The following DOCK1 variants were observed in gnomAD, a reference collection of about 807,000 sequenced individuals.
DOCK1 encodes the protein dedicator of cytokinesis 1.
DOCK1 carries 138 observed loss-of-function variants against 262.7 expected under a neutral mutation model. The ratio of observed to expected loss-of-function variants is 0.53; its 90% CI spans 0.46 to 0.61. The LOEUF is 0.61. Ranked by LOEUF, DOCK1 falls within the 20% of genes least tolerant of loss-of-function variation. The probability of loss-of-function intolerance (pLI) is 0.00; values close to 1 mark genes in which losing one functional copy is unlikely to be tolerated. For missense variants in DOCK1, 1,908 were observed against 2,370.7 expected (o/e 0.80, Z 4.05); for synonymous variants, 866 against 867.4 (o/e 1.00, Z 0.03).
intron 29 of DOCK1, among the ~76,000 whole-genome samples, chr10:127,308,835 A>G (rs1029398285): frequency 6.6e-6 from 1 of 152,156 alleles, no homozygotes; most frequent in Non-Finnish European, 1.5e-5. Context: ...TCAGTCTATC[A>G]TTGATGGGCT....
chr10:127,168,908 G>A (rs575763521), intron 27 of DOCK1, among the ~76,000 whole-genome samples: 1 of 152,306 alleles, frequency 6.6e-6, no homozygotes, highest in African/African-American at 2.4e-5. Flanking sequence ...TTGTGATGCA[G>A]TATTTATTCT....
intron 30 of DOCK1, 124 bp from the exon 31 acceptor site, chr10:127,343,522 T>C: frequency 5.1e-6 from 4 of 777,146 alleles, no homozygotes; most frequent in Non-Finnish European, 8.1e-6. Flanking sequence ...ATAGAGTGAG[T>C]GTGGGTTTTT....
intron 21 of DOCK1, among the ~76,000 whole-genome samples, chr10:127,052,423 CGGAGGCA>C (rs1295960308): frequency 6.6e-6 from 1 of 151,308 alleles, no homozygotes; most frequent in East Asian, 1.9e-4. Context: ...ACTTGGGAGG[CGGAGGCA>C]GGAGAATCAC....
At position 127,334,209 on chromosome 10, in the gene DOCK1, G is replaced by T. The variant is rs191008624; in HGVS notation, c.3045-4797G>T. ...GTGTTGAACAACGTTCCGAAGGTCA[G>T]GTAGCTCCACGTTTAAATGGACATG... is the stretch of plus-strand genomic sequence containing the variant. On this transcript the variant is annotated intron_variant, in intron 29 of 51. Transcript: ENST00000623213. Among the ~76,000 whole-genome samples the T allele has an allele frequency of 2.6e-5, 4 of 152,184 alleles. No individual in the cohort carries two copies. In the East Asian group the frequency reaches 7.7e-4, roughly 29 times the overall value.
intron 1 of DOCK1, among the ~76,000 whole-genome samples, chr10:126,957,788 A>G (rs1219050836): frequency 6.6e-6 from 1 of 152,218 alleles, no homozygotes; most frequent in Non-Finnish European, 1.5e-5. Flanking sequence ...CTGCAGCCTT[A>G]TTTATAATAA....
At chr10:127,129,007 G>A (rs2050143519) in intron 27 of DOCK1, among the ~76,000 whole-genome samples, 1 of 152,154 alleles carries the variant, frequency 6.6e-6, no homozygotes, top group Non-Finnish European at 1.5e-5. Context: ...CCTTCCTGGT[G>A]CGTGACCGTT....
At chr10:127,369,495 C>A (rs1362388313) in intron 33 of DOCK1, among the ~76,000 whole-genome samples, 1 of 152,200 alleles carries the variant, frequency 6.6e-6, no homozygotes, top group Admixed American at 6.5e-5. Context: ...TCCCCTTTAA[C>A]CAGATTAAAC....
At chr10:127,317,134 T>G (rs1376615712) in intron 29 of DOCK1, among the ~76,000 whole-genome samples, 1 of 152,228 alleles carries the variant, frequency 6.6e-6, no homozygotes, top group Non-Finnish European at 1.5e-5. Flanking sequence ...TTCAGACATT[T>G]CAGTAATAAC....
chr10:127,445,540 A>C (rs1306280527), intron 50 of DOCK1, among the ~76,000 whole-genome samples: 1 of 152,220 alleles, frequency 6.6e-6, no homozygotes, highest in South Asian at 2.1e-4. Flanking sequence ...ATGTGTTTAA[A>C]ATCTATTTTA....
At chr10:127,145,725 C>G (rs2051753526) in intron 27 of DOCK1, among the ~76,000 whole-genome samples, 1 of 152,198 alleles carries the variant, frequency 6.6e-6, no homozygotes, top group Non-Finnish European at 1.5e-5. Context: ...CCCTGCCTCC[C>G]TGGGCCACCA....
At chr10:127,011,574 G>A (rs55911839) in intron 11 of DOCK1, among the ~76,000 whole-genome samples, 14,570 of 152,206 alleles carry the variant, frequency 0.096, 808 homozygotes, top group East Asian at 0.21. Context: ...CCAGTCTCTC[G>A]TACAGCGCAG....
chr10:127,109,799 A>G (rs1307640079), intron 24 of DOCK1, among the ~76,000 whole-genome samples: 1 of 152,074 alleles, frequency 6.6e-6, no homozygotes, highest in South Asian at 2.1e-4. Context: ...CTTTTTCAGT[A>G]TAATGAACAA....
At position 126,995,422 on chromosome 10, in the gene DOCK1, C is replaced by T. The variant is rs2040115318; in HGVS notation, c.474-1326C>T. On this transcript the variant is annotated intron_variant, in intron 6 of 51. Transcript: ENST00000623213. This position sits in a 1 kb window ranked among gnomAD's most constrained non-coding sequence, Gnocchi z 5.8. Reference sequence around the variant, plus strand: ...GGGAGGCTGAGGCTGGCAGATCACTCACGGTCAGGAGCTGGAGACCAGCCG... The same window carrying T: ...GGGAGGCTGAGGCTGGCAGATCACTTACGGTCAGGAGCTGGAGACCAGCCG... Among the ~76,000 whole-genome samples the T allele has an allele frequency of 6.6e-6, 1 of 152,190 alleles. No individual in the cohort carries two copies. The highest frequency in any genetic ancestry group is 2.4e-5 in the African/African-American group (1 of 41,446).
intron 29 of DOCK1, among the ~76,000 whole-genome samples, chr10:127,312,493 G>T (rs2062098457): frequency 6.6e-6 from 1 of 152,156 alleles, no homozygotes; most frequent in Non-Finnish European, 1.5e-5. Context: ...AATGAATTGG[G>T]ATGGTCTCCA....
chr10:127,426,356 C>T (rs776834075), intron 47 of DOCK1, among the ~76,000 whole-genome samples: 4 of 152,206 alleles, frequency 2.6e-5, no homozygotes, highest in Non-Finnish European at 4.4e-5. Context: ...TGCACACCTA[C>T]AGTCATACAA....
chr10:127,144,925 A>G (rs1234027619), intron 27 of DOCK1, among the ~76,000 whole-genome samples: 2 of 152,232 alleles, frequency 1.3e-5, no homozygotes, highest in South Asian at 2.1e-4. Flanking sequence ...CTGGTATACT[A>G]TGAACAAGAA....
intron 29 of DOCK1, among the ~76,000 whole-genome samples, chr10:127,338,699 T>C (rs560886296): frequency 3.4e-4 from 51 of 152,090 alleles, no homozygotes; most frequent in Non-Finnish European, 5.0e-4. Flanking sequence ...AACGATTTAA[T>C]TTGCACCTTT....
At chr10:127,026,059 C>CAAAA (rs71490104) in intron 15 of DOCK1, 1,825 of 230,026 alleles carry the variant, frequency 7.9e-3, no homozygotes, top group South Asian at 0.013. Context: ...AACTCTGTAT[C>CAAAA]AAAAAAAAAA....
chr10:126,984,301 C>T (rs150721975), intron 4 of DOCK1, among the ~76,000 whole-genome samples: 2,577 of 152,096 alleles, frequency 0.017, 80 homozygotes, highest in African/African-American at 0.059. Flanking sequence ...TGCTATGTCC[C>T]ATTCATTCTC....
Sources: gnomAD v4.1 joint callset for allele counts (sites outside exome capture counted in the v4.1 genomes callset) on GRCh38, gnomAD v4.1.1 for gene constraint, Gnocchi (gnomAD v3.1) non-coding constraint, MANE v1.5 for transcripts, NCBI Gene and HGNC (gene_info 2026-07-23, HGNC 2026-07-21) for gene names.